The following EFNB1 variants were observed in gnomAD, a reference collection of about 807,000 sequenced individuals.
The protein encoded by EFNB1 is ephrin B1.
Under a neutral mutation model 18.1 loss-of-function variants are expected in EFNB1, and 1 was observed. The observed-to-expected ratio is 0.06, with a 90% confidence interval of 0.02 to 0.26. The LOEUF is 0.26. Ranked by LOEUF, EFNB1 falls within the 10% of genes least tolerant of loss-of-function variation. The pLI is 1.00. For missense variants in EFNB1, 221 were observed against 301.8 expected, an observed-to-expected ratio of 0.73 and a Z score of 1.98; for synonymous variants, 131 against 127.5, an observed-to-expected ratio of 1.03 and a Z score of -0.19.
Position 68,842,152 on chromosome X carries a change from C to T in EFNB1, c.*1498C>T, listed in dbSNP as rs2080481413. On this transcript the variant is annotated 3_prime_UTR_variant, in exon 5 of 5. Transcript: ENST00000204961. The stretch of plus-strand genomic sequence containing the variant: ...ATGAGAACTAAAAAAAAAAAATTAA[C>T]CACATGGAGAAATGGGTGTAAAATG... 3 of 111,289 alleles carry T rather than the reference C, an allele frequency of 2.7e-5. No individual in the cohort carries two copies. The highest frequency in any genetic ancestry group is 7.6e-4 in the South Asian group (2 of 2,640). 9.2% of individuals were successfully genotyped at this position (111,289 alleles called of 1,213,427 possible).
At chrX:68,833,469 G>A (rs1279011180) in intron 1 of EFNB1, among the ~76,000 whole-genome samples, 1 of 98,088 alleles carries the variant, frequency 1.0e-5, no homozygotes, top group Non-Finnish European at 2.3e-5. Flanking sequence ...TGTCTCATCC[G>A]CTCAGGTGAA....
At chrX:68,837,225 C>A (rs2147975856) in intron 1 of EFNB1, among the ~76,000 whole-genome samples, 1 of 111,998 alleles carries the variant, frequency 8.9e-6, no homozygotes, top group East Asian at 2.8e-4. Context: ...CTTCCTGTTT[C>A]CCCTCCAAAA....
At position 68,840,807 on chromosome X, in the gene EFNB1, C is replaced by A; in HGVS notation, c.*153C>A. On this transcript the variant is annotated 3_prime_UTR_variant, in exon 5 of 5. Coordinates refer to ENST00000204961, the MANE Select transcript of EFNB1 (RefSeq NM_004429.5). Reference sequence around the variant, plus strand: ...TTATAATCCCCCTTTTTCCCTGCCCCCTGGGCTTCGGAGGGGGGTGCTTGT... The same window carrying A: ...TTATAATCCCCCTTTTTCCCTGCCCACTGGGCTTCGGAGGGGGGTGCTTGT... 1 of 658,622 alleles carries A rather than the reference C, an allele frequency of 1.5e-6. No individual in the cohort carries two copies. Among genetic ancestry groups the A allele is most frequent in the Non-Finnish European group, 2.3e-6 (1 of 434,244 alleles). 54.3% of individuals were successfully genotyped at this position (658,622 alleles called of 1,213,427 possible). A position where few individuals can be genotyped will look rare whatever the true frequency, so the allele number is the denominator to read the frequency against.
Position 68,829,668 on chromosome X carries a change from G to A in EFNB1, c.-109G>A. The A allele has an allele frequency of 1.8e-6, 2 of 1,132,245 alleles. No homozygotes were observed. The allele number at this position is 1,132,245 out of a possible 1,213,427, so 93.3% of individuals were successfully genotyped here. ...GGAGCACTTCAAGGCCGGCGGCTGC[G>A]GAGGATGGGCGCCTGAGCGGCTCCG... On this transcript the variant is annotated 5_prime_UTR_variant, in exon 1 of 5. Coordinates refer to ENST00000204961, the MANE Select transcript of EFNB1 (RefSeq NM_004429.5).
Position 68,838,713 on chromosome X carries a change from C to T in EFNB1, c.225C>T (p.Tyr75=). The T allele has an allele frequency of 8.3e-7, 1 of 1,211,574 alleles. No homozygotes were observed. The highest frequency in any genetic ancestry group is 1.1e-6 in the Non-Finnish European group (1 of 895,336). The change falls in exon 2 of 5, where the codon TAC becomes TAT. Residue 75 remains tyrosine (Y), a synonymous_variant. Coordinates refer to ENST00000204961, the MANE Select transcript of EFNB1 (RefSeq NM_004429.5). ...CAGAAGCAGGGCGGCCCTATGAGTA[C>T]TACAAGCTGTACCTGGTGCGGCCTG... ...PRAEAGRPYE[Y]YKLYLVRPEQ... is the part of the protein sequence containing the mutation.
At chrX:68,838,154 TGTGTGTGTGTGTGTGTGTGC>T (rs2080465925) in intron 1 of EFNB1, among the ~76,000 whole-genome samples, 3 of 56,015 alleles carry the variant, frequency 5.4e-5, no homozygotes, top group East Asian at 4.2e-4. Context: ...TGTGTGTGTG[TGTGTGTGTGTGTGTGTGTGC>T]GCGCGCGCGC....
At position 68,840,101 on chromosome X, in the gene EFNB1, G is replaced by T. The variant is rs755331344; in HGVS notation, c.628+13G>T. Reference sequence around the variant, plus strand: ...GATGGCAAGCATGGTAAGTGTATGTGTTTCCCAGAGGTCAGGAGCCATTGC... The same window carrying T: ...GATGGCAAGCATGGTAAGTGTATGTTTTTCCCAGAGGTCAGGAGCCATTGC... On this transcript the variant is annotated intron_variant, in intron 4 of 4. Coordinates refer to ENST00000204961, the MANE Select transcript of EFNB1 (RefSeq NM_004429.5). The T allele has an allele frequency of 8.3e-7, 1 of 1,210,381 alleles. No individual in the cohort carries two copies. Among genetic ancestry groups the T allele is most frequent in the African/African-American group, 1.7e-5 (1 of 57,275 alleles).
chrX:68,841,386 A>ACACACACACACACAC lies in EFNB1; in HGVS notation c.*732_*733insCACACACACACACAC, dbSNP rs58007755. 1 of 107,746 alleles carries ACACACACACACACAC rather than the reference A, an allele frequency of 9.3e-6. No homozygotes were observed. The highest frequency in any genetic ancestry group is 3.4e-5 in the African/African-American group (1 of 29,236). 8.9% of individuals were successfully genotyped at this position (107,746 alleles called of 1,213,427 possible). A position where few individuals can be genotyped will look rare whatever the true frequency, so the allele number is the denominator to read the frequency against. ...ACACACACACACACACACACACACAAAAAAAAATCCCTTCCTTGTGGGATT... is the reference window on the plus strand; with the variant it reads ...ACACACACACACACACACACACACAACACACACACACACACAAAAAAATCCCTTCCTTGTGGGATT... On this transcript the variant is annotated 3_prime_UTR_variant, in exon 5 of 5. Transcript: ENST00000204961.
At chrX:68,830,240 C>T (rs912805950) in intron 1 of EFNB1, among the ~76,000 whole-genome samples, 1 of 111,615 alleles carries the variant, frequency 9.0e-6, no homozygotes, top group Non-Finnish European at 1.9e-5. Context: ...GCAGCTCCCT[C>T]CGGGGCCCCT....
Position 68,839,686 on chromosome X carries a change from G to C in EFNB1, c.429G>C (p.Glu143Asp). The change falls in exon 3 of 5, where the codon GAG becomes GAC. Residue 143 changes from glutamate (E) to aspartate (D), a missense_variant. Physicochemically the swap from Glu to Asp is conservative, Grantham distance 45. Coordinates refer to ENST00000204961, the MANE Select transcript of EFNB1 (RefSeq NM_004429.5). ...CAGCAACATCCAATGGAAGCCTGGA[G>C]GGGCTGGAAAACCGGGAGGGCGGTG... ...YITSTSNGSL[E>D]GLENREGGVC... is the part of the protein sequence containing the mutation. 8.3e-7 allele frequency: 1 copy of C among 1,211,708 alleles called. No individual in the cohort carries two copies. The highest frequency in any genetic ancestry group is 3.0e-5 in the East Asian group (1 of 33,832).
intron 1 of EFNB1, 72 bp from the exon 2 acceptor site, chrX:68,838,544 CG>C (rs1425845013): frequency 2.6e-6 from 3 of 1,175,094 alleles, no homozygotes; most frequent in Non-Finnish European, 3.5e-6. Flanking sequence ...GGCTCTTGTC[CG>C]CTTCCCTGGT....
chrX:68,830,117 C>T (rs1190553171), intron 1 of EFNB1, among the ~76,000 whole-genome samples: 2 of 111,235 alleles, frequency 1.8e-5, no homozygotes, highest in Admixed American at 1.9e-4. Context: ...ACCCCCCGGG[C>T]TTCCCACCCC....
chrX:68,831,302 C>T (rs931688726), intron 1 of EFNB1, among the ~76,000 whole-genome samples: 5 of 110,828 alleles, frequency 4.5e-5, no homozygotes, highest in Non-Finnish European at 9.4e-5. Flanking sequence ...TAGTTTTCTT[C>T]TCCTCGATTA....
intron 1 of EFNB1, among the ~76,000 whole-genome samples, chrX:68,838,160 TGTGTGTGTGTGTGCGCGCGCGCGC>T (rs1341264350): frequency 5.5e-5 from 3 of 54,251 alleles, no homozygotes; most frequent in African/African-American, 2.9e-4. Context: ...TGTGTGTGTG[TGTGTGTGTGTGTGCGCGCGCGCGC>T]GCGCACGTGT....
rs778301964 is a variant in EFNB1 at position 68,840,336 on chromosome X, C to T, written c.723C>T (p.Phe241=). 2.1e-5 allele frequency: 25 copies of T among 1,210,131 alleles called. No homozygotes were observed. Among genetic ancestry groups the T allele is most frequent in the Middle Eastern group, 2.3e-4 (1 of 4,374 alleles). Residue 241 remains phenylalanine, a synonymous_variant, in exon 5 of 5, where the codon TTC becomes TTT. Coordinates refer to ENST00000204961, the MANE Select transcript of EFNB1 (RefSeq NM_004429.5). ...DGFFNSKVAL[F]AAVGAGCVIF... ...TCTTCAACTCCAAGGTGGCATTGTT[C>T]GCGGCTGTCGGTGCCGGTTGCGTCA... is the stretch of plus-strand genomic sequence containing the variant.
intron 1 of EFNB1, among the ~76,000 whole-genome samples, chrX:68,834,089 C>T (rs1391784482): frequency 8.9e-6 from 1 of 112,289 alleles, no homozygotes. Context: ...CCCCTCTTAC[C>T]TCGCAGGTGT....
intron 1 of EFNB1, among the ~76,000 whole-genome samples, chrX:68,831,599 C>T (rs2080445684): frequency 9.0e-6 from 1 of 110,983 alleles, no homozygotes; most frequent in South Asian, 3.9e-4. Context: ...CTGTCTTGAG[C>T]CAGGAGAGTT....
Position 68,840,047 on chromosome X carries a change from C to T in EFNB1, c.587C>T (p.Pro196Leu). ...ACTGTCAAGATGGCCACACAGGCCC[C>T]TGGTAGTCGGGGCTCCCTGGGTGAC... is the stretch of plus-strand genomic sequence containing the variant. ...DNTVKMATQA[P>L]GSRGSLGDSD... Residue 196 changes from proline to leucine, a missense_variant, in exon 4 of 5, where the codon CCT becomes CTT. Physicochemically the swap from Pro to Leu is moderately conservative, Grantham distance 98 (BLOSUM62 -3). Coordinates refer to ENST00000204961, the MANE Select transcript of EFNB1 (RefSeq NM_004429.5). The T allele has an allele frequency of 8.2e-7, 1 of 1,212,126 alleles. No homozygotes were observed. Among genetic ancestry groups the T allele is most frequent in the Non-Finnish European group, 1.1e-6 (1 of 895,581 alleles).
At chrX:68,836,931 G>A (rs2080462107) in intron 1 of EFNB1, among the ~76,000 whole-genome samples, 1 of 111,436 alleles carries the variant, frequency 9.0e-6, no homozygotes, top group African/African-American at 3.3e-5. Flanking sequence ...CACTGGCCTG[G>A]GCTTTGTGTT....
Sources: allele counts gnomAD v4.1 joint callset (sites outside exome capture counted in the v4.1 genomes callset), GRCh38; gene constraint gnomAD v4.1.1; transcripts MANE v1.5; gene names NCBI Gene and HGNC (gene_info 2026-07-23, HGNC 2026-07-21).